Variants in NFIA observed in about 807,000 individuals in gnomAD.
The protein encoded by NFIA is nuclear factor 1 A-type.
A neutral mutation model predicts 62.8 loss-of-function variants in NFIA; 8 were observed. That is an observed-to-expected ratio of 0.13 (90% CI 0.07 to 0.23). The LOEUF is 0.23. Ranked by LOEUF, NFIA falls within the 10% of genes least tolerant of loss-of-function variation. The probability of loss-of-function intolerance (pLI) is 1.00; values close to 1 mark genes in which losing one functional copy is unlikely to be tolerated. For missense variants in NFIA, 410 were observed against 642.1 expected (o/e 0.64, Z 3.91); for synonymous variants, 235 against 238.1 (o/e 0.99, Z 0.12).
intron 2 of NFIA, among the ~76,000 whole-genome samples, chr1:61,267,223 T>C (rs1429917649): frequency 6.6e-6 from 1 of 152,176 alleles, no homozygotes; most frequent in Non-Finnish European, 1.5e-5. Context: ...TTTTTATACT[T>C]TTAGGCTGGG....
At chr1:61,347,703 C>T (rs1335315536) in intron 4 of NFIA, among the ~76,000 whole-genome samples, 5 of 152,082 alleles carry the variant, frequency 3.3e-5, no homozygotes, top group Non-Finnish European at 7.4e-5. Flanking sequence ...TTAGCATGTT[C>T]GGCATTGCAT....
chr1:61,277,139 T>C (rs899440725), intron 2 of NFIA, among the ~76,000 whole-genome samples: 22 of 152,338 alleles, frequency 1.4e-4, no homozygotes, highest in Middle Eastern at 3.4e-3. Flanking sequence ...CTTTATTATG[T>C]TCTGAATCAA....
rs187370117 is a variant in NFIA at position 61,130,154 on chromosome 1, C to T, written c.559+41474C>T. 2.4e-4 allele frequency among the ~76,000 whole-genome samples: 37 copies of T among 152,274 alleles called. No individual in the cohort carries two copies. The East Asian group carries it at 4.2e-3, about 17-fold the overall frequency. ...CTTCCAGAATGACTTACTCAGCAAT[C>T]ACTTCTACTTTGTATTAAAACAGTT... On this transcript the variant is annotated intron_variant, in intron 2 of 10. Transcript: ENST00000403491.
chr1:61,148,003 G>A (rs1044912339), intron 2 of NFIA, among the ~76,000 whole-genome samples: 2 of 152,108 alleles, frequency 1.3e-5, no homozygotes, highest in African/African-American at 4.8e-5. Flanking sequence ...TTAGTAGGTC[G>A]ATTAGTAGAA....
rs1310791894 is a variant in NFIA at position 61,197,978 on chromosome 1, CAAGA to C, written c.560-79529_560-79526del. ...CCTGGGTGACAAGAATGAAACTATGCAAGAAAGAAAGAAAGAGAGAAAGAAGAAA... is the reference window on the plus strand; with the variant it reads ...CCTGGGTGACAAGAATGAAACTATGCAAGAAAGAAAGAGAGAAAGAAGAAA... On this transcript the variant is annotated intron_variant, in intron 2 of 10. Coordinates refer to ENST00000403491, the MANE Select transcript of NFIA (RefSeq NM_001134673.4). 5.3e-5 allele frequency among the ~76,000 whole-genome samples: 8 copies of C among 151,090 alleles called. No homozygotes were observed. In the East Asian group the frequency reaches 9.7e-4, roughly 18 times the overall value.
At chr1:61,094,206 A>C (rs895491994) in intron 2 of NFIA, among the ~76,000 whole-genome samples, 1 of 152,208 alleles carries the variant, frequency 6.6e-6, no homozygotes, top group Non-Finnish European at 1.5e-5. Flanking sequence ...AATTATTATA[A>C]ATTGTAAACC....
At chr1:61,304,786 G>A (rs1351674046) in intron 3 of NFIA, among the ~76,000 whole-genome samples, 1 of 152,134 alleles carries the variant, frequency 6.6e-6, no homozygotes, top group Non-Finnish European at 1.5e-5. Flanking sequence ...TAAGGAAAGA[G>A]AACAATAACG....
At chr1:61,260,466 G>A (rs1329131152) in intron 2 of NFIA, among the ~76,000 whole-genome samples, 7 of 152,294 alleles carry the variant, frequency 4.6e-5, no homozygotes, top group Admixed American at 6.5e-5. Context: ...TTTTGTTCAC[G>A]ACTTCATCTC....
At chr1:61,193,749 ATGC>A (rs1651805696) in intron 2 of NFIA, among the ~76,000 whole-genome samples, 1 of 152,236 alleles carries the variant, frequency 6.6e-6, no homozygotes. Flanking sequence ...CTGATGGTTA[ATGC>A]ATTTACTTTA....
chr1:61,214,953 A>G (rs996162702), intron 2 of NFIA, among the ~76,000 whole-genome samples: 2 of 152,186 alleles, frequency 1.3e-5, no homozygotes, highest in Non-Finnish European at 2.9e-5. Context: ...AGAGCTGCAG[A>G]GATCAAGGAA....
In NFIA at chr1:61,194,519, A is replaced by G. The variant is rs1336880776; in HGVS notation, c.560-83001A>G. Among the ~76,000 whole-genome samples the G allele has an allele frequency of 3.9e-5, 6 of 152,186 alleles. No homozygotes were observed. In the East Asian group the frequency reaches 5.8e-4, roughly 15 times the overall value. Reference sequence around the variant, plus strand: ...ACTTTAGGTCGTGTTAACTGTCCCTATATTTTAAAAAATAACATTTTATAA... The same window carrying G: ...ACTTTAGGTCGTGTTAACTGTCCCTGTATTTTAAAAAATAACATTTTATAA... On this transcript the variant is annotated intron_variant, in intron 2 of 10. Transcript: ENST00000403491.
intron 7 of NFIA, among the ~76,000 whole-genome samples, chr1:61,395,274 C>G (rs1219988398): frequency 1.4e-5 from 2 of 145,300 alleles, no homozygotes; most frequent in Admixed American, 1.4e-4. Context: ...TGCTTATTTT[C>G]TGTGTGTGTG....
At chr1:61,162,233 C>CT (rs1410899403) in intron 2 of NFIA, among the ~76,000 whole-genome samples, 3 of 152,240 alleles carry the variant, frequency 2.0e-5, no homozygotes, top group Non-Finnish European at 4.4e-5. Context: ...GAGGAGTCAC[C>CT]TGGGAAGCTT....
chr1:61,199,657 G>T (rs1272709864), intron 2 of NFIA, among the ~76,000 whole-genome samples: 1 of 151,952 alleles, frequency 6.6e-6, no homozygotes, highest in African/African-American at 2.4e-5. Context: ...GCTTCCAAGT[G>T]TGTATACTTT....
rs564777536 is a variant in NFIA at position 61,328,103 on chromosome 1, G to GA, written c.626-4408dup. Among the ~76,000 whole-genome samples the GA allele has an allele frequency of 9.0e-4, 86 of 95,976 alleles. 2 individuals are homozygous for GA. Among genetic ancestry groups the GA allele is most frequent in the African/African-American group, 2.6e-3 (81 of 31,742 alleles). The allele number at this position is 95,976 out of a possible 152,430, so 63.0% of individuals were successfully genotyped here. A position where few individuals can be genotyped will look rare whatever the true frequency, so the allele number is the denominator to read the frequency against. ...ATATCATTTGCCTACTTTTTGCTGG[G>GA]ATTTTTTTTTTTCTTGTTGATTTAT... is the stretch of plus-strand genomic sequence containing the variant. On this transcript the variant is annotated intron_variant, in intron 3 of 10. Coordinates refer to ENST00000403491, the MANE Select transcript of NFIA (RefSeq NM_001134673.4).
chr1:61,124,572 G>C (rs1464802911), intron 2 of NFIA, among the ~76,000 whole-genome samples: 1 of 152,124 alleles, frequency 6.6e-6, no homozygotes, highest in Admixed American at 6.5e-5. Flanking sequence ...CCAGTTCCAC[G>C]TTTGTTGTGT....
At chr1:61,423,095 A>G (rs981057953) in intron 9 of NFIA, among the ~76,000 whole-genome samples, 5 of 152,168 alleles carry the variant, frequency 3.3e-5, no homozygotes, top group African/African-American at 4.8e-5. Context: ...AGACTCTTGG[A>G]TAATGTGAAG....
chr1:61,108,823 G>A (rs1313889236), intron 2 of NFIA, among the ~76,000 whole-genome samples: 2 of 151,696 alleles, frequency 1.3e-5, no homozygotes, highest in African/African-American at 2.4e-5. Flanking sequence ...TACCATAATT[G>A]AAACCTCAGA....
chr1:61,273,486 C>T (rs1283909163), intron 2 of NFIA, among the ~76,000 whole-genome samples: 2 of 152,102 alleles, frequency 1.3e-5, no homozygotes, highest in South Asian at 2.1e-4. Context: ...GGACTTTTTG[C>T]GCTCCTTTCT....
Sources: gnomAD v4.1 joint callset for allele counts (sites outside exome capture counted in the v4.1 genomes callset) on GRCh38, gnomAD v4.1.1 for gene constraint, MANE v1.5 for transcripts, NCBI Gene and HGNC (gene_info 2026-07-23, HGNC 2026-07-21) for gene names.